LRCH3: variants seen among roughly 807,000 people sequenced by gnomAD.
LRCH3 encodes leucine rich repeats and calponin homology domain containing 3, also known as DISP complex protein LRCH3.
A neutral mutation model predicts 104.5 loss-of-function variants in LRCH3; 68 were observed. That is an observed-to-expected ratio of 0.65 (90% CI 0.54 to 0.80). LRCH3 has a LOEUF of 0.80. LRCH3 is among the 30% of genes least tolerant of loss of function. The pLI is 0.00. For missense variants in LRCH3, 951 were observed against 953.9 expected, an observed-to-expected ratio of 1.00 and a Z score of 0.04; for synonymous variants, 344 against 361.3, an observed-to-expected ratio of 0.95 and a Z score of 0.54.
intron 12 of LRCH3, chr3:197,850,351 CTTTTTTTTTT>C: frequency 1.6e-6 from 1 of 618,704 alleles, no homozygotes; most frequent in South Asian, 2.1e-5. Context: ...ACCATTTTTT[CTTTTTTTTTT>C]TTTTTTTCCT....
At chr3:197,850,801 T>G in intron 12 of LRCH3, 1 of 1,215,064 alleles carries the variant, frequency 8.2e-7, no homozygotes, top group Non-Finnish European at 1.2e-6. Context: ...TTCTGTAAAG[T>G]GACATCTTTC....
intron 20 of LRCH3, chr3:197,882,562 CAA>C: frequency 1.1e-6 from 1 of 936,134 alleles, no homozygotes; most frequent in Non-Finnish European, 1.3e-6. Context: ...GTTGTTTTAA[CAA>C]ACATATATAA....
chr3:197,791,583 G>C (rs1291297486), intron 1 of LRCH3, 43 bp downstream of exon 1: 4 of 1,488,358 alleles, frequency 2.7e-6, no homozygotes, highest in Admixed American at 2.7e-5. Context: ...GAGACCCGGC[G>C]CCGGGAGCCG....
intron 20 of LRCH3, chr3:197,880,488 C>T (rs1455186676): frequency 6.6e-7 from 1 of 1,519,598 alleles, no homozygotes; most frequent in Admixed American, 2.0e-5. Flanking sequence ...TTCTGTTTTC[C>T]TTTCCTGCTT....
At chr3:197,814,569 T>C (rs1044325876) in intron 1 of LRCH3, among the ~76,000 whole-genome samples, 2 of 152,248 alleles carry the variant, frequency 1.3e-5, no homozygotes, top group Admixed American at 6.5e-5. Context: ...GATTGCCTCA[T>C]CTTTGGCCAT....
At chr3:197,870,097 G>C in intron 17 of LRCH3, 63 bp from the exon 18 acceptor site, 1 of 1,561,552 alleles carries the variant, frequency 6.4e-7, no homozygotes, top group Non-Finnish European at 8.8e-7. Flanking sequence ...TGATGAGGCA[G>C]AGCCGGATGT....
At chr3:197,878,283 G>A (rs949265544) in intron 20 of LRCH3, among the ~76,000 whole-genome samples, 3 of 152,114 alleles carry the variant, frequency 2.0e-5, no homozygotes, top group South Asian at 2.1e-4. Flanking sequence ...TTTAAAGTCC[G>A]TACCTTGGAA....
chr3:197,858,325 C>G (rs1198648666), intron 14 of LRCH3, among the ~76,000 whole-genome samples: 3 of 152,072 alleles, frequency 2.0e-5, no homozygotes, highest in African/African-American at 7.2e-5. Flanking sequence ...TCCACCTTCC[C>G]CTCTTATAGT....
rs1236929487 is a variant in LRCH3 at position 197,810,220 on chromosome 3, G to A, written c.263-4688G>A. ...CTCCCAGGTTGGAGTTCAGTGGCAC[G>A]ATCTTGGCTCACTGCAGCCTCCGCC... On this transcript the variant is annotated intron_variant, in intron 1 of 20. Coordinates refer to ENST00000425562, the MANE Select transcript of LRCH3 (RefSeq NM_001365715.1). This position sits in a 1 kb window ranked among gnomAD's most constrained non-coding sequence, Gnocchi z 4.0. 2.0e-5 allele frequency among the ~76,000 whole-genome samples: 3 copies of A among 152,116 alleles called. No homozygotes were observed. The highest frequency in any genetic ancestry group is 7.2e-5 in the African/African-American group (3 of 41,412).
intron 2 of LRCH3, 126 bp from the exon 3 acceptor site, chr3:197,817,050 C>T: frequency 1.3e-6 from 1 of 798,188 alleles, no homozygotes; most frequent in South Asian, 2.0e-5. Flanking sequence ...GGCTAGAACT[C>T]CAGTACCCTG....
intron 1 of LRCH3, among the ~76,000 whole-genome samples, chr3:197,797,137 G>A (rs762342198): frequency 3.9e-5 from 6 of 151,962 alleles, no homozygotes; most frequent in Admixed American, 6.6e-5. Context: ...AGACCAGCCT[G>A]GCCAACATGG....
intron 9 of LRCH3, among the ~76,000 whole-genome samples, chr3:197,837,466 C>G (rs533635987): frequency 2.6e-5 from 4 of 152,110 alleles, no homozygotes; most frequent in Admixed American, 6.5e-5. Context: ...AATTTAGCAT[C>G]TGTGAAAATG....
intron 8 of LRCH3, among the ~76,000 whole-genome samples, chr3:197,832,812 A>T (rs1736142015): frequency 6.6e-6 from 1 of 150,654 alleles, no homozygotes; most frequent in South Asian, 2.1e-4. Context: ...AGCAAGCAGC[A>T]CTCTCTCTAC....
chr3:197,843,113 C>T (rs1170864121), intron 10 of LRCH3, among the ~76,000 whole-genome samples: 1 of 150,836 alleles, frequency 6.6e-6, no homozygotes, highest in Non-Finnish European at 1.5e-5. Context: ...ATTATAGGGC[C>T]TACTTATAAT....
In LRCH3 at chr3:197,883,268, CCT is replaced by C. The variant is rs1222269068; in HGVS notation, c.2209-270_2209-269del. The C allele has an allele frequency of 1.8e-6, 2 of 1,131,104 alleles. No homozygotes were observed. Among genetic ancestry groups the C allele is most frequent in the African/African-American group, 3.3e-5 (2 of 61,270 alleles). The allele number at this position is 1,131,104 out of a possible 1,614,324, so 70.1% of individuals were successfully genotyped here. ...GCTTTCACCCTGCGGTATTGTTTTC[CCT>C]CTGTTGTATGTATAGATATATGCTA... On this transcript the variant is annotated intron_variant, in intron 20 of 20. Transcript: ENST00000425562. The surrounding 1 kb of genome is among the most constrained non-coding windows in gnomAD (Gnocchi z 4.2).
intron 1 of LRCH3, among the ~76,000 whole-genome samples, chr3:197,801,094 C>CA (rs750542854): frequency 0.012 from 408 of 34,294 alleles, 4 homozygotes; most frequent in African/African-American, 0.026. Flanking sequence ...GACTCCATCT[C>CA]AAAAAAAAAA....
rs1201702662 is a variant in LRCH3, at chr3:197,856,304, AGTATACATAGT to A, written c.1644+1864_1644+1874del. Among the ~76,000 whole-genome samples, 1 of 152,126 alleles carries A rather than the reference AGTATACATAGT, an allele frequency of 6.6e-6. No homozygotes were observed. On this transcript the variant is annotated intron_variant, in intron 14 of 20. Coordinates refer to ENST00000425562, the MANE Select transcript of LRCH3 (RefSeq NM_001365715.1). The surrounding 1 kb of genome is among the most constrained non-coding windows in gnomAD (Gnocchi z 4.2). The stretch of plus-strand genomic sequence containing the variant: ...CGTTTGATGAAAAGGAGGCCCGGGA[AGTATACATAGT>A]GTATTACTGTTGTCACGGTAATTTT...
At position 197,817,329 on chromosome 3, in the gene LRCH3, C is replaced by CGTGTGTGTGT. The variant is rs55896070; in HGVS notation, c.534+27_534+28insGTGTGTGTGT. On this transcript the variant is annotated intron_variant, in intron 3 of 20. Transcript: ENST00000425562. ...TAAGTTAATATTTTTGATTGTCCAACATGTGTGTGTGTGTGTCTGTGTGTG... is the reference window on the plus strand; with the variant it reads ...TAAGTTAATATTTTTGATTGTCCAACGTGTGTGTGTATGTGTGTGTGTGTGTCTGTGTGTG... The CGTGTGTGTGT allele has an allele frequency of 4.9e-4, 637 of 1,287,322 alleles. 9 individuals are homozygous for CGTGTGTGTGT. The highest frequency in any genetic ancestry group is 2.2e-3 in the South Asian group (160 of 74,038). The allele number at this position is 1,287,322 out of a possible 1,614,324, so 79.7% of individuals were successfully genotyped here.
chr3:197,791,800 G>A lies in LRCH3; in HGVS notation c.262+260G>A, dbSNP rs186972238. On this transcript the variant is annotated intron_variant, in intron 1 of 20. Transcript: ENST00000425562. ...TGGATGATTTTTTAGGCTTTCTGAG[G>A]AAAATCAGTTTCTGCCACGGCGGAG... 8.4e-3 allele frequency among the ~76,000 whole-genome samples: 1,282 copies of A among 152,278 alleles called. 6 individuals carry two copies. Among genetic ancestry groups the A allele is most frequent in the Middle Eastern group, 0.031 (9 of 294 alleles).
Sources: gnomAD v4.1 joint callset for allele counts (sites outside exome capture counted in the v4.1 genomes callset) on GRCh38, gnomAD v4.1.1 for gene constraint, Gnocchi (gnomAD v3.1) non-coding constraint, MANE v1.5 for transcripts, NCBI Gene and HGNC (gene_info 2026-07-23, HGNC 2026-07-21) for gene names.